The following AGTPBP1 variants were observed in gnomAD, a reference collection of about 807,000 sequenced individuals.
The protein encoded by AGTPBP1 is cytosolic carboxypeptidase 1.
In AGTPBP1, 70 loss-of-function variants were observed where a neutral mutation model predicts 143.9. The ratio of observed to expected loss-of-function variants is 0.49; its 90% CI spans 0.40 to 0.59. AGTPBP1 has a LOEUF of 0.59. Among genes scored for constraint, AGTPBP1 ranks in the 20% least tolerant of loss-of-function variants. The probability of loss-of-function intolerance (pLI) is 0.00; values close to 1 mark genes in which losing one functional copy is unlikely to be tolerated. For synonymous variants in AGTPBP1, 463 were observed against 500.2 expected, an observed-to-expected ratio of 0.93 and a Z score of 0.99; for missense variants, 1,229 against 1,464.5, an observed-to-expected ratio of 0.84 and a Z score of 2.62.
At chr9:85,639,172 T>C (rs1346038912) in intron 13 of AGTPBP1, among the ~76,000 whole-genome samples, 1 of 152,152 alleles carries the variant, frequency 6.6e-6, no homozygotes, top group Non-Finnish European at 1.5e-5. Flanking sequence ...TTATCTTTTT[T>C]AGAAAGCCAA....
At chr9:85,721,221 T>C (rs1043214784) in intron 1 of AGTPBP1, among the ~76,000 whole-genome samples, 1 of 152,248 alleles carries the variant, frequency 6.6e-6, no homozygotes, top group African/African-American at 2.4e-5. Flanking sequence ...TGGATATCCT[T>C]GTTAACCTTC....
At chr9:85,764,861 C>T in the AGTPBP1 span, 1 of 1,279,978 alleles carries the variant, frequency 7.8e-7, no homozygotes. Flanking sequence ...AAAGGATCAG[C>T]TCCAGAAACG....
At chr9:85,658,703 A>G (rs1055124399) in intron 9 of AGTPBP1, among the ~76,000 whole-genome samples, 4 of 152,162 alleles carry the variant, frequency 2.6e-5, no homozygotes, top group Non-Finnish European at 5.9e-5. Context: ...TAAATGTGCT[A>G]GTACAAACCT....
chr9:85,598,835 T>C (rs1266898396), intron 17 of AGTPBP1, among the ~76,000 whole-genome samples: 2 of 152,144 alleles, frequency 1.3e-5, no homozygotes, highest in Non-Finnish European at 2.9e-5. Context: ...TTCTCCTGCC[T>C]CAGCCTCCCG....
At chr9:85,757,310 C>CTGTCTTGGCCTCCCAAAGTGCTGGAA in the AGTPBP1 span, among the ~76,000 whole-genome samples, 5 of 152,224 alleles carry the variant, frequency 3.3e-5, no homozygotes, top group East Asian at 9.7e-4. Flanking sequence ...TGTGATCCGC[C>CTGTCTTGGCCTCCCAAAGTGCTGGAA]TGTCTTGGCC....
intron 25 of AGTPBP1, among the ~76,000 whole-genome samples, chr9:85,571,673 T>C (rs1230052859): frequency 6.6e-6 from 1 of 152,164 alleles, no homozygotes; most frequent in Non-Finnish European, 1.5e-5. Context: ...TTTTGAGTAA[T>C]GGAACAAATT....
intron 2 of AGTPBP1, among the ~76,000 whole-genome samples, chr9:85,695,144 G>A (rs1012592074): frequency 1.8e-4 from 28 of 151,966 alleles, no homozygotes; most frequent in Non-Finnish European, 3.7e-4. Flanking sequence ...AGATTCACAG[G>A]AAGTTGCAAA....
At chr9:85,548,029 A>T (rs1224472097) in intron 25 of AGTPBP1, among the ~76,000 whole-genome samples, 4 of 152,174 alleles carry the variant, frequency 2.6e-5, no homozygotes, top group Non-Finnish European at 5.9e-5. Context: ...CCCCACACAA[A>T]ATATCAAATA....
chr9:85,764,244 C>A, the AGTPBP1 span, among the ~76,000 whole-genome samples: 2 of 151,710 alleles, frequency 1.3e-5, no homozygotes, highest in African/African-American at 2.4e-5. Flanking sequence ...AAAATGAACA[C>A]CCCGGTCGGG....
intron 1 of AGTPBP1, among the ~76,000 whole-genome samples, chr9:85,738,913 A>G (rs973665106): frequency 1.3e-5 from 2 of 151,766 alleles, no homozygotes; most frequent in East Asian, 1.9e-4. Context: ...AGCAACGGTA[A>G]TAATAGCAAT....
chr9:85,589,365 G>A (rs1828811252), intron 20 of AGTPBP1, among the ~76,000 whole-genome samples, 163 bp downstream of exon 20: 1 of 152,076 alleles, frequency 6.6e-6, no homozygotes, highest in African/African-American at 2.4e-5. Context: ...GGAAATTGAG[G>A]CCCAGAGGTG....
chr9:85,735,973 A>G (rs1204499843), intron 1 of AGTPBP1, among the ~76,000 whole-genome samples: 3 of 152,186 alleles, frequency 2.0e-5, no homozygotes, highest in African/African-American at 7.2e-5. Flanking sequence ...ATTTCTCCAT[A>G]GGGCAGTTCA....
chr9:85,673,225 AACAG>A (rs1834602460), intron 6 of AGTPBP1, among the ~76,000 whole-genome samples: 3 of 152,146 alleles, frequency 2.0e-5, no homozygotes, highest in Non-Finnish European at 4.4e-5. Context: ...TGTACTAAGA[AACAG>A]ACAGGGGGAT....
chr9:85,715,519 T>TGTGG (rs1837648709), intron 1 of AGTPBP1, among the ~76,000 whole-genome samples: 1 of 152,168 alleles, frequency 6.6e-6, no homozygotes, highest in African/African-American at 2.4e-5. Flanking sequence ...GCCCTACCAC[T>TGTGG]GTGGAACATG....
chr9:85,681,615 C>CAG (rs1408682236), intron 3 of AGTPBP1, among the ~76,000 whole-genome samples: 2 of 152,062 alleles, frequency 1.3e-5, no homozygotes, highest in Non-Finnish European at 2.9e-5. Flanking sequence ...TAATATAGTA[C>CAG]AGGTGCCAGA....
intron 8 of AGTPBP1, among the ~76,000 whole-genome samples, chr9:85,668,357 GGAGGGAGAGGTGGGAGCATCACTT>G (rs1269007403): frequency 6.6e-6 from 1 of 151,982 alleles, no homozygotes; most frequent in Non-Finnish European, 1.5e-5. Flanking sequence ...GTAAGTATCA[GGAGGGAGAGGTGGGAGCATCACTT>G]GAGCCTAGGA....
intron 3 of AGTPBP1, among the ~76,000 whole-genome samples, chr9:85,683,329 T>C (rs1309903817): frequency 4.6e-5 from 7 of 152,328 alleles, no homozygotes; most frequent in African/African-American, 1.7e-4. Flanking sequence ...TAAAACATTG[T>C]TTCAAATATC....
intron 14 of AGTPBP1, among the ~76,000 whole-genome samples, chr9:85,629,269 A>G (rs1246892089): frequency 1.3e-5 from 2 of 152,360 alleles, no homozygotes; most frequent in African/African-American, 4.8e-5. Context: ...AAAGTCCTAC[A>G]GATGCCCTAA....
At chr9:85,584,259 T>C (rs1314788360) in intron 23 of AGTPBP1, among the ~76,000 whole-genome samples, 1 of 152,174 alleles carries the variant, frequency 6.6e-6, no homozygotes, top group African/African-American at 2.4e-5. Flanking sequence ...TTTCTGAAGG[T>C]CGTGTGGCAG....
Sources: gnomAD v4.1 joint callset for allele counts (sites outside exome capture counted in the v4.1 genomes callset) on GRCh38, gnomAD v4.1.1 for gene constraint, MANE v1.5 for transcripts, NCBI Gene and HGNC (gene_info 2026-07-23, HGNC 2026-07-21) for gene names.